Variants in SLC7A8 observed in about 807,000 individuals in gnomAD.
SLC7A8 encodes the protein solute carrier family 7 member 8, also known as large neutral amino acids transporter small subunit 2.
SLC7A8 carries 30 observed loss-of-function variants against 51.2 expected under a neutral mutation model. The observed-to-expected ratio is 0.59, with a 90% CI of 0.44 to 0.80. The LOEUF (loss-of-function observed/expected upper bound fraction) is 0.80, where lower values mean the gene tolerates loss of function less well. Ranked by LOEUF, SLC7A8 falls within the 30% of genes least tolerant of loss-of-function variation. The pLI, the probability that SLC7A8 is intolerant of heterozygous loss-of-function variation, is 0.00. For missense variants in SLC7A8, 612 were observed against 674.4 expected (o/e 0.91, Z 1.03); for synonymous variants, 257 against 275.8 (o/e 0.93, Z 0.67).
intron 3 of SLC7A8, among the ~76,000 whole-genome samples, chr14:23,158,097 ATGAGAATGAGAGTC>A (rs2048903403): frequency 6.6e-6 from 1 of 152,202 alleles, no homozygotes; most frequent in Non-Finnish European, 1.5e-5. Context: ...GCTGCTTCAC[ATGAGAATGAGAGTC>A]TTTCGGTTTA....
chr14:23,180,174 G>A (rs1162155524), intron 1 of SLC7A8, among the ~76,000 whole-genome samples: 1 of 152,166 alleles, frequency 6.6e-6, no homozygotes, highest in Admixed American at 6.5e-5. Context: ...CCAAAGTGCT[G>A]GGATTACAGG....
chr14:23,169,954 G>A (rs2048968065), intron 1 of SLC7A8, among the ~76,000 whole-genome samples: 1 of 152,182 alleles, frequency 6.6e-6, no homozygotes, highest in African/African-American at 2.4e-5. Flanking sequence ...AGTCTTCTAT[G>A]CTGTACTTCA....
intron 10 of SLC7A8, 109 bp from the exon 11 acceptor site, chr14:23,127,452 G>A: frequency 7.6e-7 from 1 of 1,310,368 alleles, no homozygotes; most frequent in Non-Finnish European, 1.1e-6. Flanking sequence ...TGCCTCTTCA[G>A]AGCAGTCAGT....
intron 3 of SLC7A8, among the ~76,000 whole-genome samples, chr14:23,145,121 C>T (rs1194887429): frequency 1.1e-4 from 17 of 151,232 alleles, no homozygotes; most frequent in Non-Finnish European, 1.8e-4. Context: ...AGGGTTTCAC[C>T]GTGTTAGCCA....
intron 7 of SLC7A8, among the ~76,000 whole-genome samples, chr14:23,132,555 AAAC>A (rs1188273310): frequency 6.6e-6 from 1 of 152,160 alleles, no homozygotes; most frequent in Non-Finnish European, 1.5e-5. Flanking sequence ...TGCCTCTAAA[AAAC>A]AACAATAAAA....
At chr14:23,156,123 C>G (rs971198259) in intron 3 of SLC7A8, among the ~76,000 whole-genome samples, 2 of 151,938 alleles carry the variant, frequency 1.3e-5, no homozygotes, top group Non-Finnish European at 2.9e-5. Context: ...CTCAGCCTCC[C>G]GAGTAGCTGG....
At chr14:23,182,364 A>G (rs543029415) in intron 1 of SLC7A8, among the ~76,000 whole-genome samples, 1 of 152,188 alleles carries the variant, frequency 6.6e-6, no homozygotes, top group Admixed American at 6.5e-5. Context: ...AATATACCTT[A>G]AAAGCCCATC....
rs796934369 is a variant in SLC7A8, at chr14:23,132,324, A to G, written c.1017-767T>C. Among the ~76,000 whole-genome samples the G allele has an allele frequency of 4.6e-5, 7 of 152,202 alleles. 1 individual carries two copies. The highest frequency in any genetic ancestry group is 1.7e-4 in the African/African-American group (7 of 41,544). On this transcript the variant is annotated intron_variant, in intron 7 of 10. Coordinates refer to ENST00000316902, the MANE Select transcript of SLC7A8 (RefSeq NM_012244.4). Reference sequence around the variant, plus strand: ...GCCTAAAAACACTCTTGTCCTAGTCAGAGAGTAGTTAGTTGTCTTTGTGGG... The same window carrying G: ...GCCTAAAAACACTCTTGTCCTAGTCGGAGAGTAGTTAGTTGTCTTTGTGGG...
intron 3 of SLC7A8, among the ~76,000 whole-genome samples, chr14:23,145,398 G>T (rs1037782660): frequency 5.3e-5 from 8 of 151,328 alleles, no homozygotes; most frequent in Non-Finnish European, 1.2e-4. Context: ...TGGTGGTGGC[G>T]CGCCTGTAAT....
intron 3 of SLC7A8, among the ~76,000 whole-genome samples, chr14:23,153,421 G>A (rs60156697): frequency 0.018 from 2,803 of 152,074 alleles, 94 homozygotes; most frequent in African/African-American, 0.064. Context: ...GCTTTCCCTT[G>A]GCCGCTCCCA....
chr14:23,157,461 T>G (rs554289107), intron 3 of SLC7A8, among the ~76,000 whole-genome samples: 1 of 152,322 alleles, frequency 6.6e-6, no homozygotes, highest in Non-Finnish European at 1.5e-5. Flanking sequence ...ATGTCGGTCT[T>G]CTGTCTGAAA....
intron 4 of SLC7A8, among the ~76,000 whole-genome samples, chr14:23,142,465 A>T (rs1420555620): frequency 6.6e-6 from 1 of 152,196 alleles, no homozygotes; most frequent in East Asian, 1.9e-4. Context: ...GGGTTGGGGC[A>T]AAAAGACAAT....
At chr14:23,170,047 C>A (rs1187825382) in intron 1 of SLC7A8, among the ~76,000 whole-genome samples, 1 of 152,204 alleles carries the variant, frequency 6.6e-6, no homozygotes, top group East Asian at 1.9e-4. Flanking sequence ...TGCAGTACCA[C>A]CTTCAGTGGG....
In SLC7A8 at chr14:23,126,260, G is replaced by A. The variant is rs1477699779; in HGVS notation, c.*917C>T. ...CCTTCGTACCTGGTCCCAAGCCAAG[G>A]CCCAGAGAGGAGAAGTGCACGGTGG... is the stretch of plus-strand genomic sequence containing the variant. On this transcript the variant is annotated 3_prime_UTR_variant, in exon 11 of 11. Transcript: ENST00000316902. 1 of 153,566 alleles carries A rather than the reference G, an allele frequency of 6.5e-6. No homozygotes were observed. Among genetic ancestry groups the A allele is most frequent in the Non-Finnish European group, 1.5e-5 (1 of 68,418 alleles). 9.5% of individuals were successfully genotyped at this position (153,566 alleles called of 1,614,324 possible). A position where few individuals can be genotyped will look rare whatever the true frequency, so the allele number is the denominator to read the frequency against.
intron 1 of SLC7A8, among the ~76,000 whole-genome samples, chr14:23,167,148 G>A (rs992887368): frequency 2.6e-5 from 4 of 152,152 alleles, no homozygotes; most frequent in Non-Finnish European, 4.4e-5. Context: ...TAGACATGAC[G>A]GCCCCACCCT....
chr14:23,176,130 T>C (rs2048997928), intron 1 of SLC7A8, among the ~76,000 whole-genome samples: 1 of 152,208 alleles, frequency 6.6e-6, no homozygotes, highest in African/African-American at 2.4e-5. Flanking sequence ...CTGGTCAACA[T>C]CCAGTAGACA....
In SLC7A8 at chr14:23,126,240, G is replaced by A. The variant is rs1156762270; in HGVS notation, c.*937C>T. On this transcript the variant is annotated 3_prime_UTR_variant, in exon 11 of 11. Coordinates refer to ENST00000316902, the MANE Select transcript of SLC7A8 (RefSeq NM_012244.4). ...GGCCTGAAGGGCTTGGGGATCCTTC[G>A]TACCTGGTCCCAAGCCAAGGCCCAG... 3 of 153,158 alleles carry A rather than the reference G, an allele frequency of 2.0e-5. No homozygotes were observed. The highest frequency in any genetic ancestry group is 2.1e-4 in the South Asian group (1 of 4,832). The allele number at this position is 153,158 out of a possible 1,614,324, so 9.5% of individuals were successfully genotyped here.
chr14:23,133,202 C>A (rs1440871685), intron 7 of SLC7A8, among the ~76,000 whole-genome samples: 3 of 152,158 alleles, frequency 2.0e-5, no homozygotes, highest in East Asian at 3.9e-4. Context: ...CTTTGGCAGG[C>A]TGAGGCGGGA....
intron 7 of SLC7A8, among the ~76,000 whole-genome samples, chr14:23,137,582 T>A (rs1045696404): frequency 5.9e-5 from 9 of 152,162 alleles, no homozygotes; most frequent in Admixed American, 5.9e-4. Context: ...GCAGCCAAGA[T>A]ACTGCCTTGC....
Sources: gnomAD v4.1 joint callset for allele counts (sites outside exome capture counted in the v4.1 genomes callset) on GRCh38, gnomAD v4.1.1 for gene constraint, MANE v1.5 for transcripts, NCBI Gene and HGNC (gene_info 2026-07-23, HGNC 2026-07-21) for gene names.